Variants in NSD2 observed in about 807,000 individuals in gnomAD.
NSD2 encodes the protein nuclear receptor binding SET domain protein 2.
NSD2 carries 12 observed loss-of-function variants against 139.0 expected under a neutral mutation model. The ratio of observed to expected loss-of-function variants is 0.09; its 90% CI spans 0.06 to 0.14. NSD2 has a LOEUF of 0.14. Ranked by LOEUF, NSD2 falls within the 10% of genes least tolerant of loss-of-function variation. NSD2 has a pLI of 1.00. For synonymous variants in NSD2, 669 were observed against 648.7 expected (o/e 1.03, Z -0.48); for missense variants, 1,155 against 1,745.0 (o/e 0.66, Z 6.02).
chr4:1,882,488 C>T (rs371341605), intron 1 of NSD2, among the ~76,000 whole-genome samples: 4 of 152,094 alleles, frequency 2.6e-5, no homozygotes, highest in Non-Finnish European at 4.4e-5. Flanking sequence ...ACGGTGAAAC[C>T]CCGTCTCTAC....
chr4:1,892,899 T>G (rs1428157158), intron 1 of NSD2: 2 of 152,180 alleles, frequency 1.3e-5, no homozygotes, highest in Non-Finnish European at 2.9e-5. Flanking sequence ...CTGGTAATTT[T>G]TGTTTTAACC....
intron 1 of NSD2, among the ~76,000 whole-genome samples, chr4:1,894,870 A>G (rs1716045152): frequency 6.6e-6 from 1 of 152,140 alleles, no homozygotes; most frequent in Non-Finnish European, 1.5e-5. Context: ...ATTGTTATAC[A>G]ACCATGACAC....
chr4:1,873,300 GATTTT>G (rs1369011605), intron 1 of NSD2, among the ~76,000 whole-genome samples: 2 of 152,154 alleles, frequency 1.3e-5, no homozygotes, highest in Non-Finnish European at 2.9e-5. Context: ...TAACAGTAAA[GATTTT>G]ATTTTAAGAG....
chr4:1,896,942 G>C (rs547473282), intron 1 of NSD2, among the ~76,000 whole-genome samples: 1 of 152,002 alleles, frequency 6.6e-6, no homozygotes. Flanking sequence ...AGGCCAAGGC[G>C]GGTGGATCGC....
chr4:1,950,746 C>T (rs972712872), intron 9 of NSD2, among the ~76,000 whole-genome samples: 2 of 152,166 alleles, frequency 1.3e-5, no homozygotes, highest in Non-Finnish European at 2.9e-5. Flanking sequence ...TTCCAAAAAG[C>T]CTGTCTTAGT....
chr4:1,935,133 C>A lies in NSD2; in HGVS notation c.1556-11C>A, dbSNP rs745505464. On this transcript the variant is annotated splice_polypyrimidine_tract_variant and intron_variant, in intron 6 of 21. Coordinates refer to ENST00000508803, the MANE Select transcript of NSD2 (RefSeq NM_001042424.3). ...GTTTTCATGTACATTTTCCCCATTCCCCATTCCAAGGTAATGTAAATGGGA... is the reference window on the plus strand; with the variant it reads ...GTTTTCATGTACATTTTCCCCATTCACCATTCCAAGGTAATGTAAATGGGA... 3.8e-6 allele frequency: 6 copies of A among 1,599,776 alleles called. No homozygotes were observed. Among genetic ancestry groups the A allele is most frequent in the Non-Finnish European group, 5.1e-6 (6 of 1,170,838 alleles).
intron 9 of NSD2, chr4:1,941,061 G>GT: frequency 9.5e-7 from 1 of 1,056,216 alleles, no homozygotes. Flanking sequence ...AGAAAAGGCA[G>GT]TAAGAATTAT....
rs891668196 is a variant in NSD2 at position 1,946,505 on chromosome 4, G to A, written c.1882-4567G>A. 7.0e-5 allele frequency: 65 copies of A among 931,324 alleles called. No individual in the cohort carries two copies. The African/African-American group carries it at 9.9e-4, about 14-fold the overall frequency. 57.7% of individuals were successfully genotyped at this position (931,324 alleles called of 1,614,324 possible). A position where few individuals can be genotyped will look rare whatever the true frequency, so the allele number is the denominator to read the frequency against. Reference sequence around the variant, plus strand: ...AGGCTGGTCTTGAACTCCTGACCTCGTGATCCACCCGCCTCACCCTCCCAA... The same window carrying A: ...AGGCTGGTCTTGAACTCCTGACCTCATGATCCACCCGCCTCACCCTCCCAA... On this transcript the variant is annotated intron_variant, in intron 9 of 21. Coordinates refer to ENST00000508803, the MANE Select transcript of NSD2 (RefSeq NM_001042424.3).
chr4:1,948,309 T>C lies in NSD2; in HGVS notation c.1882-2763T>C. 9.4e-7 allele frequency: 1 copy of C among 1,065,616 alleles called. No homozygotes were observed. The highest frequency in any genetic ancestry group is 5.0e-5 in the East Asian group (1 of 19,964). The allele number at this position is 1,065,616 out of a possible 1,614,324, so 66.0% of individuals were successfully genotyped here. On this transcript the variant is annotated intron_variant, in intron 9 of 21. Coordinates refer to ENST00000508803, the MANE Select transcript of NSD2 (RefSeq NM_001042424.3). The surrounding 1 kb of genome is among the most constrained non-coding windows in gnomAD (Gnocchi z 4.5). ...CAAATGCATCTCGTTGGATATGGAA[T>C]AGATCGTAGATGTTGTAGACTGAGA... is the stretch of plus-strand genomic sequence containing the variant.
rs140755867 is a variant in NSD2 at position 1,879,824 on chromosome 4, TTGTGTGTG to T, written c.-30+8310_-30+8317del. On this transcript the variant is annotated intron_variant, in intron 1 of 21. Coordinates refer to ENST00000508803, the MANE Select transcript of NSD2 (RefSeq NM_001042424.3). ...GTTGCAGACCCTGGGCCCATGGCAC[TTGTGTGTG>T]TGTGTGTGTGTGTGTGTGTGTGTGT... is the stretch of plus-strand genomic sequence containing the variant. 9.6e-4 allele frequency among the ~76,000 whole-genome samples: 138 copies of T among 144,158 alleles called. 3 individuals are homozygous for T. The East Asian group carries it at 0.019, about 20-fold the overall frequency. The allele number at this position is 144,158 out of a possible 152,430, so 94.6% of individuals were successfully genotyped here.
chr4:1,964,733 T>G (rs1246437020), intron 18 of NSD2, among the ~76,000 whole-genome samples: 2 of 152,092 alleles, frequency 1.3e-5, no homozygotes, highest in Non-Finnish European at 2.9e-5. Context: ...ATTGCCCCCC[T>G]CTTTCATTTT....
intron 6 of NSD2, among the ~76,000 whole-genome samples, chr4:1,931,273 A>G (rs923787711): frequency 6.6e-6 from 1 of 152,194 alleles, no homozygotes; most frequent in African/African-American, 2.4e-5. Flanking sequence ...GAGAGCTCAT[A>G]GGGCAAGAAG....
chr4:1,886,978 T>C (rs2108688363), intron 1 of NSD2, among the ~76,000 whole-genome samples: 1 of 152,246 alleles, frequency 6.6e-6, no homozygotes, highest in East Asian at 1.9e-4. Flanking sequence ...CCCTTCTTCT[T>C]CCCAACATTC....
intron 3 of NSD2, 34 bp from the exon 4 acceptor site, chr4:1,916,837 C>T: frequency 6.3e-7 from 1 of 1,579,410 alleles, no homozygotes; most frequent in Non-Finnish European, 8.6e-7. Context: ...CAGATTCTAA[C>T]TTTCATTCTC....
At chr4:1,929,907 TATTAC>T (rs1487943435) in intron 5 of NSD2, among the ~76,000 whole-genome samples, 2 of 152,106 alleles carry the variant, frequency 1.3e-5, no homozygotes, top group Non-Finnish European at 2.9e-5. Context: ...ACCCCCAGGT[TATTAC>T]CAGGTGGAGC....
At chr4:1,966,058 G>GA (rs893912854) in intron 18 of NSD2, among the ~76,000 whole-genome samples, 64 of 140,384 alleles carry the variant, frequency 4.6e-4, no homozygotes, top group Non-Finnish European at 6.5e-4. Flanking sequence ...GCTAAAAGAA[G>GA]AAAAAAAAAT....
chr4:1,902,981 C>T (rs183134365), intron 2 of NSD2, among the ~76,000 whole-genome samples: 264 of 152,144 alleles, frequency 1.7e-3, no homozygotes, highest in African/African-American at 6.1e-3. Flanking sequence ...TCAAGACTAG[C>T]CTGGGCAACA....
intron 1 of NSD2, among the ~76,000 whole-genome samples, chr4:1,873,363 G>C (rs1009336720): frequency 6.6e-6 from 1 of 152,152 alleles, no homozygotes; most frequent in African/African-American, 2.4e-5. Flanking sequence ...ACAATTTATC[G>C]TATCTATTCG....
chr4:1,886,302 G>T (rs920977977), intron 1 of NSD2, among the ~76,000 whole-genome samples: 87 of 152,094 alleles, frequency 5.7e-4, no homozygotes, highest in African/African-American at 2.0e-3. Context: ...CATCTCCTGG[G>T]CTCAGGCAAT....
Sources: allele counts gnomAD v4.1 joint callset (sites outside exome capture counted in the v4.1 genomes callset), GRCh38; gene constraint gnomAD v4.1.1; non-coding constraint Gnocchi (gnomAD v3.1); transcripts MANE v1.5; gene names NCBI Gene and HGNC (gene_info 2026-07-23, HGNC 2026-07-21).